The following PCDHGA2 variants were observed in gnomAD, a reference collection of about 807,000 sequenced individuals.
PCDHGA2 encodes the protein protocadherin gamma-A2.
In PCDHGA2, 40 loss-of-function variants were observed where a neutral mutation model predicts 59.2. The observed-to-expected ratio is 0.68, with a 90% CI of 0.52 to 0.88. The LOEUF (loss-of-function observed/expected upper bound fraction) is 0.88. Ranked by LOEUF, PCDHGA2 falls within the 40% of genes least tolerant of loss-of-function variation. PCDHGA2 has a pLI of 0.00. For missense variants in PCDHGA2, 1,226 were observed against 1,204.0 expected (o/e 1.02, Z -0.27); for synonymous variants, 560 against 526.0 (o/e 1.06, Z -0.89).
At chr5:141,351,550 C>A (rs1173991946) in intron 1 of PCDHGA2, 3 of 1,613,940 alleles carry the variant, frequency 1.9e-6, no homozygotes, top group Non-Finnish European at 2.5e-6. Flanking sequence ...CCCTTTCCTC[C>A]AGGACAAGCA....
chr5:141,393,962 C>G (rs2150548263), intron 1 of PCDHGA2: 1 of 1,613,894 alleles, frequency 6.2e-7, no homozygotes, highest in Non-Finnish European at 8.5e-7. Flanking sequence ...GTCAAGTTGT[C>G]TGTTACACAC....
rs777780708 is a variant in PCDHGA2, at chr5:141,489,934, G to C, written c.2425-4873G>C. ...AGGGACCACCCTTATCTCTGTCATC[G>C]TGCTGGACATCAATGATAATGCTCC... On this transcript the variant is annotated intron_variant, in intron 1 of 3. Transcript: ENST00000394576. The surrounding 1 kb of genome is among the most constrained non-coding windows in gnomAD (Gnocchi z 4.5). The C allele has an allele frequency of 1.4e-5, 23 of 1,614,176 alleles. No homozygotes were observed. Among genetic ancestry groups the C allele is most frequent in the Non-Finnish European group, 1.8e-5 (21 of 1,180,030 alleles).
intron 1 of PCDHGA2, chr5:141,403,037 A>G (rs1561685258): frequency 9.3e-6 from 15 of 1,613,972 alleles, no homozygotes; most frequent in South Asian, 5.5e-5. Flanking sequence ...GGCCAGGGCC[A>G]GTCAGATTCG....
Position 141,490,051 on chromosome 5 carries a change from G to C in PCDHGA2, c.2425-4756G>C, listed in dbSNP as rs779280988. 1 of 1,614,214 alleles carries C rather than the reference G, an allele frequency of 6.2e-7. No individual in the cohort carries two copies. The highest frequency in any genetic ancestry group is 1.1e-5 in the South Asian group (1 of 91,082). On this transcript the variant is annotated intron_variant, in intron 1 of 3. Coordinates refer to ENST00000394576, the MANE Select transcript of PCDHGA2 (RefSeq NM_018915.4). The surrounding 1 kb of genome is among the most constrained non-coding windows in gnomAD (Gnocchi z 5.4). Reference sequence around the variant, plus strand: ...CCGCCTCAATGCCACTGATCCAGACGAGGGCACCAACGGCCAACTAGACTA... The same window carrying C: ...CCGCCTCAATGCCACTGATCCAGACCAGGGCACCAACGGCCAACTAGACTA...
chr5:141,421,787 C>T (rs753196648), intron 1 of PCDHGA2: 8 of 1,613,694 alleles, frequency 5.0e-6, no homozygotes, highest in East Asian at 2.2e-5. Context: ...CGGGGCAGAA[C>T]GGATGGGGCC....
intron 1 of PCDHGA2, among the ~76,000 whole-genome samples, chr5:141,468,857 C>A (rs1386167428): frequency 2.0e-5 from 3 of 151,962 alleles, no homozygotes; most frequent in Non-Finnish European, 4.4e-5. Context: ...CAGAGCGAGA[C>A]TCCATCTCAA....
chr5:141,455,104 G>A (rs2098813087), intron 1 of PCDHGA2, among the ~76,000 whole-genome samples: 1 of 151,888 alleles, frequency 6.6e-6, no homozygotes, highest in East Asian at 1.9e-4. Flanking sequence ...GAGCCACTGC[G>A]CCCGGTGGGT....
At chr5:141,430,729 G>T in intron 1 of PCDHGA2, 1 of 1,499,360 alleles carries the variant, frequency 6.7e-7, no homozygotes, top group East Asian at 2.3e-5. Flanking sequence ...GTTAAGGGCA[G>T]AATTGAAAAT....
intron 1 of PCDHGA2, chr5:141,357,075 G>C: frequency 6.2e-7 from 1 of 1,613,942 alleles, no homozygotes; most frequent in Non-Finnish European, 8.5e-7. Context: ...ACACAGGCGA[G>C]GTGCGCACCG....
intron 1 of PCDHGA2, chr5:141,403,867 A>C (rs755401788): frequency 1.1e-5 from 17 of 1,613,606 alleles, no homozygotes; most frequent in Admixed American, 3.3e-5. Flanking sequence ...CAACAGCAAA[A>C]AGTCTAGATT....
rs761483380 is a variant in PCDHGA2, at chr5:141,360,655, GACA to G, written c.2424+19263_2424+19265del. ...CTCACTACAAAGATACCACCTTAAT[GACA>G]ACGAGTACTTTGATCTCGCTGAGAA... On this transcript the variant is annotated intron_variant, in intron 1 of 3. Transcript: ENST00000394576. 1.3e-4 allele frequency: 212 copies of G among 1,613,970 alleles called. No homozygotes were observed. The Middle Eastern group carries it at 2.3e-3, about 18-fold the overall frequency.
chr5:141,351,245 G>A, intron 1 of PCDHGA2: 1 of 1,614,038 alleles, frequency 6.2e-7, no homozygotes, highest in African/African-American at 1.3e-5. Flanking sequence ...TCACTGTAAT[G>A]TTCAAATAGA....
intron 1 of PCDHGA2, chr5:141,376,115 C>A: frequency 1.2e-6 from 2 of 1,613,870 alleles, no homozygotes; most frequent in Non-Finnish European, 8.5e-7. Flanking sequence ...CCTGGGCAGC[C>A]TCGAGCCCTC....
intron 1 of PCDHGA2, chr5:141,382,901 T>C (rs748634682): frequency 5.8e-6 from 9 of 1,543,194 alleles, no homozygotes; most frequent in East Asian, 2.3e-5. Flanking sequence ...AGGACGACTA[T>C]GGCGGCTCAG....
At chr5:141,375,106 T>A (rs1771135818) in intron 1 of PCDHGA2, 2 of 1,613,952 alleles carry the variant, frequency 1.2e-6, no homozygotes, top group East Asian at 4.5e-5. Context: ...TGGATGTCAA[T>A]GATAATGTAC....
intron 1 of PCDHGA2, chr5:141,404,208 A>G (rs1411239715): frequency 6.2e-7 from 1 of 1,613,782 alleles, no homozygotes; most frequent in Admixed American, 1.7e-5. Flanking sequence ...TCAGAATATA[A>G]TATCACGGTG....
chr5:141,466,992 A>ATTT (rs985433044), intron 1 of PCDHGA2, among the ~76,000 whole-genome samples: 1 of 148,706 alleles, frequency 6.7e-6, no homozygotes, highest in African/African-American at 2.5e-5. Flanking sequence ...ACCTTTTGGC[A>ATTT]TTTTTTTGCA....
chr5:141,488,705 G>T (rs1024064135), intron 1 of PCDHGA2, among the ~76,000 whole-genome samples: 1 of 152,200 alleles, frequency 6.6e-6, no homozygotes, highest in Non-Finnish European at 1.5e-5. Context: ...AGATTTTGCT[G>T]GTTCAAGCAA....
Position 141,340,792 on chromosome 5 carries a change from C to T in PCDHGA2, c.1821C>T (p.His607=). The T allele has an allele frequency of 3.7e-6, 6 of 1,613,888 alleles. No individual in the cohort carries two copies. The highest frequency in any genetic ancestry group is 5.1e-6 in the Non-Finnish European group (6 of 1,180,030). ...DSGQNAWLSY[H]LLKASEPGLF... ...GCCAGAACGCCTGGCTGTCTTACCA[C>T]CTGCTCAAGGCCAGCGAGCCGGGAC... The change falls in exon 1 of 4, where the codon CAC becomes CAT. Residue 607 remains histidine (H), a synonymous_variant. Transcript: ENST00000394576.
Sources: gnomAD v4.1 joint callset for allele counts (sites outside exome capture counted in the v4.1 genomes callset) on GRCh38, gnomAD v4.1.1 for gene constraint, Gnocchi (gnomAD v3.1) non-coding constraint, MANE v1.5 for transcripts, NCBI Gene and HGNC (gene_info 2026-07-23, HGNC 2026-07-21) for gene names.